GCSAML: variants seen among roughly 807,000 people sequenced by gnomAD.
The protein encoded by GCSAML is germinal center associated signaling and motility like.
GCSAML carries 9 observed loss-of-function variants against 13.0 expected under a neutral mutation model. The ratio of observed to expected loss-of-function variants is 0.69; its 90% confidence interval spans 0.42 to 1.21. The LOEUF (loss-of-function observed/expected upper bound fraction) is 1.21, where lower values mean the gene tolerates loss of function less well. Among genes scored for constraint, GCSAML ranks in the 50% most tolerant of loss-of-function variants. GCSAML has a pLI of 0.00. For synonymous variants in GCSAML, 37 were observed against 52.9 expected (o/e 0.70, Z 1.31); for missense variants, 143 against 153.4 (o/e 0.93, Z 0.36).
At chr1:247,536,008 C>CT (rs1261885946) in intron 2 of GCSAML, among the ~76,000 whole-genome samples, 3 of 152,106 alleles carry the variant, frequency 2.0e-5, no homozygotes, top group Non-Finnish European at 2.9e-5. Flanking sequence ...AGGCAAGCTG[C>CT]TAGAATATCA....
At chr1:247,510,038 C>G (rs1047608154) in intron 1 of GCSAML, among the ~76,000 whole-genome samples, 1 of 151,986 alleles carries the variant, frequency 6.6e-6, no homozygotes, top group African/African-American at 2.4e-5. Context: ...AGGAGGAGTC[C>G]CTCTTTTTCT....
chr1:247,548,962 G>C (rs1392115616), upstream of GCSAML: 6 of 1,035,808 alleles, frequency 5.8e-6, no homozygotes, highest in Non-Finnish European at 8.3e-6. This position sits in a 1 kb window ranked among gnomAD's most constrained non-coding sequence, Gnocchi z 5.3. Context: ...GTGTGTGTGT[G>C]CGTGCAGGCA....
At position 247,541,745 on chromosome 1, in the gene GCSAML, C is replaced by G. The variant is rs112182762; in HGVS notation, c.-147-7300C>G. Among the ~76,000 whole-genome samples the G allele has an allele frequency of 1.8e-3, 280 of 152,256 alleles. 1 individual carries two copies. Among genetic ancestry groups the G allele is most frequent in the African/African-American group, 6.4e-3 (265 of 41,540 alleles). On this transcript the variant is annotated intron_variant, in intron 2 of 5. Transcript: ENST00000366489. ...AAAAACCTGGCTGAGCACAGTGGCT[C>G]ACATCTGTAATCTCAGCACTTTGGG...
At chr1:247,543,335 A>G (rs1405884043) in intron 2 of GCSAML, among the ~76,000 whole-genome samples, 2 of 152,224 alleles carry the variant, frequency 1.3e-5, no homozygotes, top group African/African-American at 4.8e-5. Flanking sequence ...GAGAGACAGA[A>G]CACACATTCA....
chr1:247,517,184 T>C (rs745860314), intron 1 of GCSAML, among the ~76,000 whole-genome samples: 3 of 152,236 alleles, frequency 2.0e-5, no homozygotes, highest in East Asian at 1.9e-4. Flanking sequence ...AGACTAATCA[T>C]TGAGTCAAGA....
At chr1:247,541,099 T>C (rs1667396430) in intron 2 of GCSAML, among the ~76,000 whole-genome samples, 2 of 152,242 alleles carry the variant, frequency 1.3e-5, no homozygotes, top group South Asian at 4.1e-4. Flanking sequence ...GACATTTCTT[T>C]ACCCATTTGG....
intron 2 of GCSAML, among the ~76,000 whole-genome samples, chr1:247,557,404 A>G (rs891003344): frequency 1.3e-5 from 2 of 152,242 alleles, no homozygotes; most frequent in Admixed American, 6.5e-5. Flanking sequence ...AGATGTTGAT[A>G]TCTTGCCTCA....
chr1:247,569,416 G>C (rs540263310), intron 4 of GCSAML, among the ~76,000 whole-genome samples: 1 of 152,252 alleles, frequency 6.6e-6, no homozygotes, highest in South Asian at 2.1e-4. Flanking sequence ...TTAGCATGAA[G>C]GGGTGTTAAA....
intron 2 of GCSAML, chr1:247,533,435 T>C (rs1201223567): frequency 1.3e-5 from 2 of 152,048 alleles, no homozygotes; most frequent in African/African-American, 4.8e-5. Flanking sequence ...CCATAAAACC[T>C]AAAAATGTTA....
At chr1:247,569,205 C>T (rs888952416) in intron 4 of GCSAML, among the ~76,000 whole-genome samples, 2 of 152,134 alleles carry the variant, frequency 1.3e-5, no homozygotes, top group Non-Finnish European at 2.9e-5. Context: ...ATTTCTTTCT[C>T]TTGCCTGATT....
At chr1:247,534,398 T>C (rs575148236) in intron 2 of GCSAML, among the ~76,000 whole-genome samples, 7 of 151,958 alleles carry the variant, frequency 4.6e-5, no homozygotes, top group African/African-American at 7.3e-5. Context: ...GAAGGCAGAG[T>C]GGAAGGACTC....
upstream of GCSAML, among the ~76,000 whole-genome samples, chr1:247,548,794 T>C (rs1667664837): frequency 6.6e-6 from 1 of 152,232 alleles, no homozygotes; most frequent in African/African-American, 2.4e-5. This position sits in a 1 kb window ranked among gnomAD's most constrained non-coding sequence, Gnocchi z 5.3. Context: ...GTAATCTTAT[T>C]ATTATGCTCA....
chr1:247,576,693 A>G lies in GCSAML; in HGVS notation c.*2311A>G, dbSNP rs1668848135. On this transcript the variant is annotated 3_prime_UTR_variant, in exon 5 of 5. Transcript: ENST00000366488. ...TGCTGTATACACATTTTGCCTCTCT[A>G]TTCAACGAATTCTTATGCCCTCTTG... 4 of 152,166 alleles carry G rather than the reference A, an allele frequency of 2.6e-5. No individual in the cohort carries two copies. The highest frequency in any genetic ancestry group is 2.0e-4 in the Admixed American group (3 of 15,264). The allele number at this position is 152,166 out of a possible 1,614,324, so 9.4% of individuals were successfully genotyped here.
rs192030365 is a variant in GCSAML at position 247,560,157 on chromosome 1, G to A, written c.90-3433G>A. ...AGTAGGTGCTGATAATCCACAGCCC[G>A]GACTTAGATAGGTTTGGATTTTGTG... On this transcript the variant is annotated intron_variant, in intron 2 of 4. Transcript: ENST00000366488. 1.2e-4 allele frequency among the ~76,000 whole-genome samples: 18 copies of A among 152,290 alleles called. No individual in the cohort carries two copies. In the East Asian group the frequency reaches 2.7e-3, roughly 23 times the overall value.
At chr1:247,564,824 T>C (rs1389466066) in intron 3 of GCSAML, among the ~76,000 whole-genome samples, 4 of 152,070 alleles carry the variant, frequency 2.6e-5, no homozygotes, top group Non-Finnish European at 5.9e-5. Context: ...ATGGAGAGGA[T>C]AGAAACTGGA....
chr1:247,532,159 G>A lies in GCSAML; in HGVS notation c.-148+5105G>A. ...GGCAGCGTAGCGGTCATAGGACATG[G>A]TGGCCAGCAGGACACACTCGGTTGC... is the stretch of plus-strand genomic sequence containing the variant. On this transcript the variant is annotated intron_variant, in intron 2 of 5. Transcript: ENST00000366489. The A allele has an allele frequency of 1.9e-6, 3 of 1,613,354 alleles. No homozygotes were observed. In the South Asian group the frequency reaches 3.3e-5, roughly 18 times the overall value.
intron 1 of GCSAML, chr1:247,519,136 CTCTT>C (rs573269565): frequency 7.2e-5 from 11 of 152,406 alleles, no homozygotes; most frequent in African/African-American, 1.4e-4. Flanking sequence ...AAGGCGTTCT[CTCTT>C]TCAGGGGTCT....
intron 1 of GCSAML, among the ~76,000 whole-genome samples, chr1:247,522,959 G>T (rs1666511355): frequency 6.9e-6 from 1 of 145,228 alleles, no homozygotes; most frequent in Non-Finnish European, 1.5e-5. Context: ...CTTTTAATGA[G>T]AAATTTTTCT....
intron 2 of GCSAML, chr1:247,531,674 T>C (rs768186443): frequency 1.2e-6 from 2 of 1,614,148 alleles, no homozygotes; most frequent in Non-Finnish European, 1.7e-6. Context: ...GTGACTACGG[T>C]GTAGAACAGA....
Sources: gnomAD v4.1 joint callset for allele counts (sites outside exome capture counted in the v4.1 genomes callset) on GRCh38, gnomAD v4.1.1 for gene constraint, Gnocchi (gnomAD v3.1) non-coding constraint, MANE v1.5 for transcripts, NCBI Gene and HGNC (gene_info 2026-07-23, HGNC 2026-07-21) for gene names.